The following THAP4 variants were observed in gnomAD, a reference collection of about 807,000 sequenced individuals.
The protein encoded by THAP4 is THAP domain containing 4.
Under a neutral mutation model 48.1 loss-of-function variants are expected in THAP4, and 18 were observed. The observed-to-expected ratio is 0.37, with a 90% CI of 0.26 to 0.56. The LOEUF is 0.56. Among genes scored for constraint, THAP4 ranks in the 20% least tolerant of loss-of-function variants. THAP4 has a pLI of 0.78. For missense variants in THAP4, 656 were observed against 774.9 expected (o/e 0.85, Z 1.82); for synonymous variants, 345 against 324.9 (o/e 1.06, Z -0.66).
chr2:241,590,811 T>C (rs71217049), intron 5 of THAP4, among the ~76,000 whole-genome samples: 2 of 145,022 alleles, frequency 1.4e-5, no homozygotes, highest in East Asian at 4.3e-4. Flanking sequence ...CTGATGATAA[T>C]GGGCACTAGG....
Position 241,633,002 on chromosome 2 carries a change from G to T in THAP4, c.1155C>A (p.Ser385Arg). The T allele has an allele frequency of 1.2e-6, 2 of 1,613,714 alleles. No individual in the cohort carries two copies. Among genetic ancestry groups the T allele is most frequent in the Non-Finnish European group, 1.7e-6 (2 of 1,179,940 alleles). ...GCTTCTCCTGTAGCTTCCGCACCTG[G>T]CTGTCGGAGCGGCTGACCCTCTGCC... ...SLRQRVSRSD[S>R]QVRKLQEKLD... is the part of the protein sequence containing the mutation. The change falls in exon 2 of 6, where the codon AGC becomes AGA. Residue 385 changes from serine (S) to arginine (R), a missense_variant. Physicochemically the swap from Ser to Arg is moderately radical, Grantham distance 110 (BLOSUM62 -1). Coordinates refer to ENST00000407315, the MANE Select transcript of THAP4 (RefSeq NM_015963.6). The surrounding 1 kb of genome is among the most constrained non-coding windows in gnomAD (Gnocchi z 7.5).
intron 5 of THAP4, among the ~76,000 whole-genome samples, chr2:241,586,570 A>G (rs1309720940): frequency 5.3e-5 from 8 of 152,172 alleles, no homozygotes; most frequent in Non-Finnish European, 1.2e-4. Context: ...AAAACAGGAA[A>G]TAGACACCTC....
intron 2 of THAP4, among the ~76,000 whole-genome samples, chr2:241,618,296 T>C (rs2067372554): frequency 6.6e-6 from 1 of 152,206 alleles, no homozygotes; most frequent in Admixed American, 6.5e-5. Context: ...AGCAAGTATT[T>C]CTATAAAATA....
chr2:241,619,014 G>C (rs989672747), intron 2 of THAP4, among the ~76,000 whole-genome samples: 2 of 152,184 alleles, frequency 1.3e-5, no homozygotes, highest in Non-Finnish European at 2.9e-5. Flanking sequence ...TCACCCAAGC[G>C]GGGAGGAGAA....
At chr2:241,586,947 C>A (rs1039345324) in intron 5 of THAP4, among the ~76,000 whole-genome samples, 15 of 152,132 alleles carry the variant, frequency 9.9e-5, no homozygotes, top group African/African-American at 3.6e-4. Context: ...AGATCATGGC[C>A]AATTTTCTGA....
chr2:241,632,667 G>A (rs1264029724), intron 2 of THAP4, among the ~76,000 whole-genome samples: 8 of 152,166 alleles, frequency 5.3e-5, no homozygotes, highest in Non-Finnish European at 8.8e-5. Flanking sequence ...TGGCTGACGC[G>A]TGCTGCCTGC....
At chr2:241,622,756 T>G (rs751657171) in intron 2 of THAP4, among the ~76,000 whole-genome samples, 1 of 152,002 alleles carries the variant, frequency 6.6e-6, no homozygotes, top group East Asian at 1.9e-4. Flanking sequence ...TGCATCACCA[T>G]GCCTAGCTAA....
At chr2:241,623,798 T>C (rs570482266) in intron 2 of THAP4, among the ~76,000 whole-genome samples, 193 of 152,016 alleles carry the variant, frequency 1.3e-3, no homozygotes, top group Non-Finnish European at 1.8e-3. Context: ...CAAGAAGAAA[T>C]AGATAATCTG....
At chr2:241,585,340 CAAA>C (rs1448304470) in intron 5 of THAP4, among the ~76,000 whole-genome samples, 2 of 148,812 alleles carry the variant, frequency 1.3e-5, no homozygotes, top group Non-Finnish European at 3.0e-5. Context: ...TGACCACTGT[CAAA>C]AGACAATTCT....
At chr2:241,595,225 G>A (rs1369490524) in intron 5 of THAP4, among the ~76,000 whole-genome samples, 2 of 152,068 alleles carry the variant, frequency 1.3e-5, no homozygotes, top group Non-Finnish European at 2.9e-5. Flanking sequence ...ATGTTGTCCA[G>A]GCTGGTCTCG....
chr2:241,625,052 C>A (rs994282042), intron 2 of THAP4, among the ~76,000 whole-genome samples: 2 of 152,136 alleles, frequency 1.3e-5, no homozygotes, highest in Non-Finnish European at 2.9e-5. Context: ...CCAAGCCCTG[C>A]TAGCTTCATT....
intron 1 of THAP4, among the ~76,000 whole-genome samples, chr2:241,634,865 C>T (rs2067616063): frequency 6.6e-6 from 1 of 152,182 alleles, no homozygotes; most frequent in Non-Finnish European, 1.5e-5. Context: ...TCCTTGAGGA[C>T]ATTATACTGA....
intron 2 of THAP4, among the ~76,000 whole-genome samples, chr2:241,613,274 C>CA (rs772453190): frequency 0.029 from 2,384 of 83,076 alleles, 20 homozygotes; most frequent in South Asian, 0.062. Flanking sequence ...TGTACTAAGC[C>CA]AAAAAAAAAA....
chr2:241,594,187 G>A, intron 5 of THAP4, among the ~76,000 whole-genome samples: 1 of 152,208 alleles, frequency 6.6e-6, no homozygotes, highest in Non-Finnish European at 1.5e-5. Context: ...AAATGCTCAG[G>A]ACAGGCAATC....
intron 2 of THAP4, among the ~76,000 whole-genome samples, chr2:241,626,722 C>T (rs1373399955): frequency 3.3e-5 from 5 of 151,966 alleles, no homozygotes; most frequent in East Asian, 2.0e-4. Flanking sequence ...TGTCACCATG[C>T]CCAGCTAATT....
chr2:241,605,033 AT>A (rs2067161916), intron 3 of THAP4, among the ~76,000 whole-genome samples: 3 of 152,200 alleles, frequency 2.0e-5, no homozygotes, highest in Non-Finnish European at 4.4e-5. Flanking sequence ...TTTTCTTCGA[AT>A]GCTAGTCACA....
chr2:241,609,293 G>A (rs561671879), intron 2 of THAP4, among the ~76,000 whole-genome samples: 1 of 152,348 alleles, frequency 6.6e-6, no homozygotes, highest in East Asian at 1.9e-4. Flanking sequence ...CTGAGCAATT[G>A]AGAAGACAAG....
At chr2:241,600,975 T>C (rs1230587690) in intron 5 of THAP4, among the ~76,000 whole-genome samples, 2 of 145,912 alleles carry the variant, frequency 1.4e-5, no homozygotes, top group African/African-American at 5.0e-5. Flanking sequence ...TACAAATCTT[T>C]AAAAAAAAAA....
Position 241,616,552 on chromosome 2 carries a change from G to C in THAP4, c.1241-10079C>G, listed in dbSNP as rs2067350711. Reference sequence around the variant, plus strand: ...AGGGAAGCAAGTCCCGCGGGCCCTGGAGAGAAGCTACCCTGCAGGCGGCTG... The same window carrying C: ...AGGGAAGCAAGTCCCGCGGGCCCTGCAGAGAAGCTACCCTGCAGGCGGCTG... On this transcript the variant is annotated intron_variant, in intron 2 of 5. Transcript: ENST00000407315. This position sits in a 1 kb window ranked among gnomAD's most constrained non-coding sequence, Gnocchi z 4.6. 6.6e-6 allele frequency among the ~76,000 whole-genome samples: 1 copy of C among 152,190 alleles called. No homozygotes were observed. Among genetic ancestry groups the C allele is most frequent in the Non-Finnish European group, 1.5e-5 (1 of 68,032 alleles).
Sources: allele counts gnomAD v4.1 joint callset (sites outside exome capture counted in the v4.1 genomes callset), GRCh38; gene constraint gnomAD v4.1.1; non-coding constraint Gnocchi (gnomAD v3.1); transcripts MANE v1.5; gene names NCBI Gene and HGNC (gene_info 2026-07-23, HGNC 2026-07-21).